Variants in RUFY3 observed in about 807,000 individuals in gnomAD.
The protein encoded by RUFY3 is RUN and FYVE domain containing 3.
RUFY3 carries 34 observed loss-of-function variants against 84.0 expected under a neutral mutation model. The ratio of observed to expected loss-of-function variants is 0.40; its 90% confidence interval spans 0.31 to 0.54. RUFY3 has a LOEUF of 0.54. RUFY3 is among the 20% of genes least tolerant of loss of function. The pLI, the probability that RUFY3 is intolerant of heterozygous loss-of-function variation, is 0.39. For synonymous variants in RUFY3, 242 were observed against 252.9 expected (o/e 0.96, Z 0.41); for missense variants, 507 against 736.8 (o/e 0.69, Z 3.61).
At position 70,775,181 on chromosome 4, in the gene RUFY3, A is replaced by G. The variant is rs146855045; in HGVS notation, c.772A>G (p.Thr258Ala). Residue 258 changes from threonine (T) to alanine (A), a missense_variant, in exon 7 of 18, where the codon ACT becomes GCT. Thr to Ala is a moderately conservative substitution (Grantham distance 58). Transcript: ENST00000381006. ...CCCTTCCCCCAGAGACGGTCAGATT[A>G]CTGCAATTCTGGACCAGAAGAACTA... The part of the protein sequence containing the change: ...SKGTEGDGQI[T>A]AILDQKNYVE... The G allele has an allele frequency of 2.4e-5, 39 of 1,600,890 alleles. No individual in the cohort carries two copies. The African/African-American group carries it at 2.7e-4, about 11-fold the overall frequency.
chr4:70,745,996 C>T (rs557888957), intron 1 of RUFY3, among the ~76,000 whole-genome samples: 50 of 152,052 alleles, frequency 3.3e-4, no homozygotes, highest in African/African-American at 1.1e-3. Context: ...GCTGAGATCA[C>T]GCCACTGCAC....
chr4:70,784,746 C>A, intron 9 of RUFY3, 50 bp from the exon 10 acceptor site: 1 of 1,310,156 alleles, frequency 7.6e-7, no homozygotes, highest in Non-Finnish European at 1.0e-6. Context: ...GTGTCTAATT[C>A]TGTATAGATT....
intron 1 of RUFY3, among the ~76,000 whole-genome samples, chr4:70,714,848 G>A (rs2148567226): frequency 6.6e-6 from 1 of 152,288 alleles, no homozygotes; most frequent in South Asian, 2.1e-4. Flanking sequence ...CTAAGTTTTT[G>A]ATAGCTTTAC....
chr4:70,765,426 T>A (rs1357189277), intron 4 of RUFY3, among the ~76,000 whole-genome samples: 1 of 152,060 alleles, frequency 6.6e-6, no homozygotes, highest in African/African-American at 2.4e-5. Flanking sequence ...AGAATCCGAT[T>A]TCTAGGATTT....
chr4:70,763,403 T>G, intron 2 of RUFY3, 149 bp from the exon 3 acceptor site: 1 of 529,408 alleles, frequency 1.9e-6, no homozygotes. Flanking sequence ...CACAAAATAT[T>G]ATCTATTCTA....
Position 70,793,833 on chromosome 4 carries a change from G to T in RUFY3, c.1386G>T (p.Arg462=). 1 of 1,614,144 alleles carries T rather than the reference G, an allele frequency of 6.2e-7. No individual in the cohort carries two copies. Among genetic ancestry groups the T allele is most frequent in the Non-Finnish European group, 8.5e-7 (1 of 1,180,028 alleles). ...GCCAATCTGCTGAGTTGGACAACCG[G>T]CTCTTCAAACAGGACTTTGGAGACA... ...RSRQSAELDN[R]LFKQDFGDKI... The change falls in exon 13 of 18, where the codon CGG becomes CGT. Residue 462 remains arginine (R), a synonymous_variant. Coordinates refer to ENST00000381006, the MANE Select transcript of RUFY3 (RefSeq NM_001037442.4).
At chr4:70,780,914 G>T (rs555524082) in intron 8 of RUFY3, among the ~76,000 whole-genome samples, 10 of 152,110 alleles carry the variant, frequency 6.6e-5, no homozygotes, top group African/African-American at 2.2e-4. Flanking sequence ...AGTAGACGAG[G>T]CTCATTAGTT....
intron 12 of RUFY3, 108 bp from the exon 13 acceptor site, chr4:70,793,677 C>T (rs1731146386): frequency 9.4e-6 from 15 of 1,591,142 alleles, no homozygotes; most frequent in Non-Finnish European, 1.2e-5. Flanking sequence ...CTCTCTCTGT[C>T]TCTCTGTGCA....
At chr4:70,793,234 T>C (rs1339503935) in intron 12 of RUFY3, 26 of 986,422 alleles carry the variant, frequency 2.6e-5, no homozygotes, top group Non-Finnish European at 3.0e-5. Flanking sequence ...AGGCTTTTCC[T>C]TATAGAATAA....
At chr4:70,806,419 T>C in intron 17 of RUFY3, 97 bp from the exon 18 acceptor site, 2 of 1,325,920 alleles carry the variant, frequency 1.5e-6, no homozygotes, top group Non-Finnish European at 2.1e-6. Context: ...ATTGTTTGAT[T>C]AGGCATTGAG....
chr4:70,775,946 A>AAAAAAAAAAAAC (rs1553917241), intron 7 of RUFY3, among the ~76,000 whole-genome samples: 30 of 137,992 alleles, frequency 2.2e-4, no homozygotes, highest in African/African-American at 7.0e-4. Context: ...GTCTTAAACA[A>AAAAAAAAAAAAC]AAAAAAAAAA....
intron 9 of RUFY3, 100 bp from the exon 10 acceptor site, chr4:70,784,696 C>T: frequency 3.1e-6 from 2 of 648,660 alleles, no homozygotes; most frequent in Non-Finnish European, 4.8e-6. Flanking sequence ...ATTATACCTG[C>T]TTCAGTATGA....
chr4:70,778,753 T>C (rs574535715), intron 8 of RUFY3, among the ~76,000 whole-genome samples: 1 of 151,946 alleles, frequency 6.6e-6, no homozygotes, highest in Non-Finnish European at 1.5e-5. Context: ...TAATTTTGTA[T>C]TTTTTTAGTA....
At chr4:70,705,025 C>G in exon 1 of RUFY3, 2 of 1,223,656 alleles carry the variant, frequency 1.6e-6, no homozygotes, top group Non-Finnish European at 2.0e-6. Context: ...CCGGAGGAGC[C>G]GCGCCGCGCT....
At chr4:70,709,214 GTCTCTT>G (rs1283788176) in intron 1 of RUFY3, among the ~76,000 whole-genome samples, 2 of 152,214 alleles carry the variant, frequency 1.3e-5, no homozygotes, top group Non-Finnish European at 2.9e-5. Flanking sequence ...TGAGGATTAT[GTCTCTT>G]TCTGAGTCTT....
At chr4:70,780,485 G>T (rs972306654) in intron 8 of RUFY3, among the ~76,000 whole-genome samples, 1 of 152,100 alleles carries the variant, frequency 6.6e-6, no homozygotes, top group Admixed American at 6.5e-5. Flanking sequence ...TAGAAACAGA[G>T]TTTCACCAGG....
At chr4:70,735,343 A>C (rs1233536534) in intron 1 of RUFY3, among the ~76,000 whole-genome samples, 1 of 152,162 alleles carries the variant, frequency 6.6e-6, no homozygotes, top group Non-Finnish European at 1.5e-5. Flanking sequence ...CAGGGCTGTA[A>C]ATACTAAAAT....
chr4:70,720,418 A>G (rs1008863148), upstream of RUFY3, among the ~76,000 whole-genome samples: 25 of 152,156 alleles, frequency 1.6e-4, no homozygotes, highest in African/African-American at 6.0e-4. Context: ...TCCTGACCTC[A>G]GGTGATTTGC....
At chr4:70,744,676 T>A (rs1459229303) in intron 1 of RUFY3, among the ~76,000 whole-genome samples, 1 of 141,822 alleles carries the variant, frequency 7.1e-6, no homozygotes, top group Non-Finnish European at 1.6e-5. Flanking sequence ...TTTTTTGAGA[T>A]GGAGTTTCGC....
Sources: allele counts gnomAD v4.1 joint callset (sites outside exome capture counted in the v4.1 genomes callset), GRCh38; gene constraint gnomAD v4.1.1; transcripts MANE v1.5; gene names NCBI Gene and HGNC (gene_info 2026-07-23, HGNC 2026-07-21).